Variants in PTPN21 observed in about 807,000 individuals in gnomAD.
The protein encoded by PTPN21 is protein tyrosine phosphatase non-receptor type 21.
PTPN21 carries 77 observed loss-of-function variants against 131.8 expected under a neutral mutation model. The observed-to-expected ratio is 0.58, with a 90% CI of 0.49 to 0.71. The LOEUF (loss-of-function observed/expected upper bound fraction) is 0.71, where lower values mean the gene tolerates loss of function less well. Among genes scored for constraint, PTPN21 ranks in the 30% least tolerant of loss-of-function variants. The pLI is 0.00. For missense variants in PTPN21, 1,552 were observed against 1,527.1 expected, an observed-to-expected ratio of 1.02 and a Z score of -0.27; for synonymous variants, 715 against 621.3, an observed-to-expected ratio of 1.15 and a Z score of -2.24.
chr14:88,492,950 C>A (rs1043235631), intron 10 of PTPN21: 7 of 378,310 alleles, frequency 1.9e-5, no homozygotes, highest in Non-Finnish European at 3.7e-5. Context: ...AGAGACAGAT[C>A]AAATGAAAAT....
Position 88,467,219 on chromosome 14 carries a change from A to ATTGT in PTPN21, c.*914_*917dup, listed in dbSNP as rs1566801903. ...TCTCCCAAAACGCTTCTCAGCGCCC[A>ATTGT]TTGTTATTGTGTCATCTACAAAGCA... On this transcript the variant is annotated 3_prime_UTR_variant, in exon 19 of 19. Transcript: ENST00000556564. 1.3e-5 allele frequency: 2 copies of ATTGT among 152,154 alleles called. No homozygotes were observed. The highest frequency in any genetic ancestry group is 4.8e-5 in the African/African-American group (2 of 41,426). 9.4% of individuals were successfully genotyped at this position (152,154 alleles called of 1,614,324 possible). A position where few individuals can be genotyped will look rare whatever the true frequency, so the allele number is the denominator to read the frequency against.
Position 88,526,444 on chromosome 14 carries a change from G to A in PTPN21, c.181-9183C>T, listed in dbSNP as rs143733417. Among the ~76,000 whole-genome samples, 1,337 of 149,674 alleles carry A rather than the reference G, an allele frequency of 8.9e-3. 9 individuals carry two copies. Among genetic ancestry groups the A allele is most frequent in the African/African-American group, 0.031 (1,272 of 40,716 alleles). ...GTGCACCTGTAATCTCAGCTACTCC[G>A]GAGGCTGAGGCAGGAGAATCGCTTG... On this transcript the variant is annotated intron_variant, in intron 2 of 18. Coordinates refer to ENST00000556564, the MANE Select transcript of PTPN21 (RefSeq NM_007039.4).
At chr14:88,497,347 G>C in intron 8 of PTPN21, 57 bp from the exon 9 acceptor site, 3 of 1,351,934 alleles carry the variant, frequency 2.2e-6, no homozygotes, top group Non-Finnish European at 3.2e-6. Flanking sequence ...GAAACAAGGA[G>C]ATAGAATACA....
At chr14:88,520,795 A>G (rs2078377832) in intron 2 of PTPN21, among the ~76,000 whole-genome samples, 1 of 152,194 alleles carries the variant, frequency 6.6e-6, no homozygotes, top group Non-Finnish European at 1.5e-5. Context: ...TCCTGTCATG[A>G]GGATTGGATA....
intron 2 of PTPN21, among the ~76,000 whole-genome samples, chr14:88,541,687 G>T (rs1327234529): frequency 1.3e-5 from 2 of 152,164 alleles, no homozygotes; most frequent in Non-Finnish European, 2.9e-5. Flanking sequence ...AGCAATGAAT[G>T]GCCCTTCCTG....
intron 3 of PTPN21, among the ~76,000 whole-genome samples, chr14:88,508,464 C>G (rs2078131023): frequency 6.6e-6 from 1 of 152,102 alleles, no homozygotes; most frequent in Admixed American, 6.5e-5. Flanking sequence ...CAGTTTCAAA[C>G]AAGGATGAGA....
At chr14:88,477,665 G>C (rs546901309) in intron 13 of PTPN21, among the ~76,000 whole-genome samples, 1 of 152,044 alleles carries the variant, frequency 6.6e-6, no homozygotes, top group South Asian at 2.1e-4. Context: ...GTTTAGCAGC[G>C]ATGGGGGGAG....
chr14:88,504,566 A>G (rs2139280453), intron 5 of PTPN21, 71 bp from the exon 6 acceptor site: 1 of 1,246,180 alleles, frequency 8.0e-7, no homozygotes, highest in South Asian at 1.2e-5. Flanking sequence ...ATGGCCATTG[A>G]CTGTTAATGA....
intron 6 of PTPN21, among the ~76,000 whole-genome samples, chr14:88,502,521 T>C (rs1183594367): frequency 1.3e-5 from 2 of 152,208 alleles, no homozygotes; most frequent in Non-Finnish European, 2.9e-5. Flanking sequence ...GCCCTCATAT[T>C]GCAGGGCTGG....
intron 2 of PTPN21, among the ~76,000 whole-genome samples, chr14:88,548,102 T>C (rs1026618195): frequency 3.3e-5 from 5 of 152,170 alleles, no homozygotes; most frequent in East Asian, 3.9e-4. Flanking sequence ...CCCTTCTCTA[T>C]TACTCGGTAG....
chr14:88,472,273 T>C lies in PTPN21; in HGVS notation c.2842A>G (p.Thr948Ala). 6.2e-7 allele frequency: 1 copy of C among 1,612,680 alleles called. No homozygotes were observed. The highest frequency in any genetic ancestry group is 8.5e-7 in the Non-Finnish European group (1 of 1,178,704). Residue 948 changes from threonine to alanine, a missense_variant, in exon 15 of 19, where the codon ACT (threonine) becomes GCT (alanine). Coordinates refer to ENST00000556564, the MANE Select transcript of PTPN21 (RefSeq NM_007039.4). Reference sequence around the variant, plus strand: ...ATATGTGATGCGTTGATGTAACCAGTGTTGTTTTCTTTAGTTGGGACCAAC... The same window carrying C: ...ATATGTGATGCGTTGATGTAACCAGCGTTGTTTTCTTTAGTTGGGACCAAC... ...VELVPTKENN[T>A]GYINASHIKV...
At chr14:88,495,850 G>C (rs1290802595) in intron 10 of PTPN21, among the ~76,000 whole-genome samples, 3 of 152,166 alleles carry the variant, frequency 2.0e-5, no homozygotes, top group Non-Finnish European at 1.5e-5. Flanking sequence ...ACAACAAGCA[G>C]CATCAGTAAC....
At chr14:88,478,107 C>T (rs779060765) in intron 13 of PTPN21, among the ~76,000 whole-genome samples, 8 of 152,126 alleles carry the variant, frequency 5.3e-5, no homozygotes, top group Non-Finnish European at 1.0e-4. Flanking sequence ...ACAGGCATAA[C>T]AATAGGCTTA....
At chr14:88,542,125 C>A (rs553890495) in intron 2 of PTPN21, among the ~76,000 whole-genome samples, 3 of 152,170 alleles carry the variant, frequency 2.0e-5, no homozygotes, top group Non-Finnish European at 4.4e-5. Flanking sequence ...TTATTAGCTA[C>A]GTAATCACTC....
chr14:88,495,397 A>T (rs1243282921), intron 10 of PTPN21, among the ~76,000 whole-genome samples: 1 of 152,234 alleles, frequency 6.6e-6, no homozygotes. Flanking sequence ...ACGGTGGCTC[A>T]CGCCTGTAAT....
chr14:88,549,869 T>C (rs2078835536), intron 2 of PTPN21, among the ~76,000 whole-genome samples: 1 of 151,826 alleles, frequency 6.6e-6, no homozygotes, highest in Admixed American at 6.6e-5. Flanking sequence ...TTCAAGCGAT[T>C]CTCCTGTCTC....
chr14:88,508,156 T>G (rs199852458), intron 3 of PTPN21, 136 bp from the exon 4 acceptor site: 140,452 of 496,222 alleles, frequency 0.28, 16,472 homozygotes, highest in African/African-American at 0.44. Flanking sequence ...GTGTGTTTTT[T>G]TTTTTTTTTT....
Position 88,479,617 on chromosome 14 carries a change from G to T in PTPN21, c.1814C>A (p.Thr605Lys). The T allele has an allele frequency of 6.3e-7, 1 of 1,577,284 alleles. No individual in the cohort carries two copies. Among genetic ancestry groups the T allele is most frequent in the Non-Finnish European group, 8.6e-7 (1 of 1,167,440 alleles). ...ITRRVHHSVQTFQEDSLPVAH... is the reference protein window; with the variant it reads ...ITRRVHHSVQKFQEDSLPVAH... ...CACGGGCAGGCTGTCCTCCTGGAAC[G>T]TTTGCACCGAGTGGTGCACGCGCCG... The change falls in exon 13 of 19, where the codon ACG (threonine) becomes AAG (lysine). Residue 605 changes from threonine (T) to lysine (K), a missense_variant. Thr to Lys is a moderately conservative substitution (Grantham distance 78, BLOSUM62 -1). Around this residue, in one of 4 missense-constraint regions of PTPN21, gnomAD observed 1,016 missense variants for 883.5 expected, o/e 1.15. Coordinates refer to ENST00000556564, the MANE Select transcript of PTPN21 (RefSeq NM_007039.4).
chr14:88,544,916 C>T (rs919506676), intron 2 of PTPN21, among the ~76,000 whole-genome samples: 1 of 152,094 alleles, frequency 6.6e-6, no homozygotes, highest in African/African-American at 2.4e-5. Flanking sequence ...CAACCTCTGT[C>T]TCTCGGATTC....
Sources: gnomAD v4.1 joint callset for allele counts (sites outside exome capture counted in the v4.1 genomes callset) on GRCh38, gnomAD v4.1.1 for gene constraint, gnomAD v4.1.1 regional missense constraint, MANE v1.5 for transcripts, NCBI Gene and HGNC (gene_info 2026-07-23, HGNC 2026-07-21) for gene names.